The following FBXL7 variants were observed in gnomAD, a reference collection of about 807,000 sequenced individuals.
The protein encoded by FBXL7 is F-box/LRR-repeat protein 7.
Under a neutral mutation model 38.3 loss-of-function variants are expected in FBXL7, and 12 were observed. The ratio of observed to expected loss-of-function variants is 0.31; its 90% CI spans 0.20 to 0.51. FBXL7 has a LOEUF of 0.51. Ranked by LOEUF, FBXL7 falls within the 20% of genes least tolerant of loss-of-function variation. FBXL7 has a pLI of 0.98. For missense variants in FBXL7, 567 were observed against 676.4 expected (o/e 0.84, Z 1.79); for synonymous variants, 297 against 300.9 (o/e 0.99, Z 0.13).
intron 1 of FBXL7, among the ~76,000 whole-genome samples, chr5:15,615,664 T>G (rs1740421818): frequency 6.6e-6 from 1 of 152,190 alleles, no homozygotes; most frequent in Non-Finnish European, 1.5e-5. Context: ...AGGAGATGTG[T>G]TCCCCACATG....
chr5:15,713,598 G>T (rs1238601100), intron 2 of FBXL7, among the ~76,000 whole-genome samples: 1 of 152,170 alleles, frequency 6.6e-6, no homozygotes, highest in Non-Finnish European at 1.5e-5. Flanking sequence ...GGTCTTGTCT[G>T]CTATAAATTA....
chr5:15,813,719 C>G (rs1339507215), intron 2 of FBXL7, among the ~76,000 whole-genome samples: 2 of 151,988 alleles, frequency 1.3e-5, no homozygotes, highest in East Asian at 3.9e-4. Context: ...AGAACTTAAA[C>G]AAATTTACAA....
chr5:15,920,683 G>A (rs1741716697), intron 2 of FBXL7, among the ~76,000 whole-genome samples: 1 of 152,020 alleles, frequency 6.6e-6, no homozygotes, highest in Non-Finnish European at 1.5e-5. Context: ...ACCATGCCCA[G>A]CTAATTTTTG....
At chr5:15,886,896 A>ATTT (rs1740699922) in intron 2 of FBXL7, among the ~76,000 whole-genome samples, 1 of 152,168 alleles carries the variant, frequency 6.6e-6, no homozygotes, top group South Asian at 2.1e-4. Flanking sequence ...CCCCAAAATG[A>ATTT]TTTAAAGTGC....
intron 2 of FBXL7, among the ~76,000 whole-genome samples, chr5:15,751,739 G>A (rs17704443): frequency 0.23 from 35,115 of 152,038 alleles, 4,248 homozygotes; most frequent in East Asian, 0.44. Context: ...CTGAAACAAC[G>A]GCTCACCTTA....
At chr5:15,747,656 A>G (rs995577505) in intron 2 of FBXL7, among the ~76,000 whole-genome samples, 2 of 152,242 alleles carry the variant, frequency 1.3e-5, no homozygotes, top group African/African-American at 4.8e-5. Flanking sequence ...AAAGGAAAAA[A>G]TATCTATGCA....
intron 2 of FBXL7, among the ~76,000 whole-genome samples, chr5:15,684,714 A>T (rs528722802): frequency 1.3e-5 from 2 of 152,174 alleles, no homozygotes; most frequent in African/African-American, 2.4e-5. Context: ...AAAGTCAGAG[A>T]TAGGCTCATT....
chr5:15,728,137 A>G (rs1451323548), intron 2 of FBXL7, among the ~76,000 whole-genome samples: 1 of 152,040 alleles, frequency 6.6e-6, no homozygotes, highest in Non-Finnish European at 1.5e-5. Flanking sequence ...ATTTCTCCCT[A>G]TATTTCTCTA....
At chr5:15,839,059 A>T (rs1428825923) in intron 2 of FBXL7, among the ~76,000 whole-genome samples, 1 of 149,182 alleles carries the variant, frequency 6.7e-6, no homozygotes, top group Non-Finnish European at 1.5e-5. Flanking sequence ...CTGCTTCTTC[A>T]TACACTTTAC....
chr5:15,550,877 G>A (rs963503922), intron 1 of FBXL7, among the ~76,000 whole-genome samples: 1 of 152,156 alleles, frequency 6.6e-6, no homozygotes, highest in Non-Finnish European at 1.5e-5. Context: ...CTGCCCACTC[G>A]CCTTATTTCT....
intron 1 of FBXL7, among the ~76,000 whole-genome samples, chr5:15,507,914 G>C (rs1280179279): frequency 6.6e-6 from 1 of 152,004 alleles, no homozygotes; most frequent in Non-Finnish European, 1.5e-5. Flanking sequence ...GTGGTGATGG[G>C]TGCCTGTAAT....
In FBXL7 at chr5:15,891,721, C is replaced by T. The variant is rs58874582; in HGVS notation, c.128-36169C>T. Among the ~76,000 whole-genome samples the T allele has an allele frequency of 3.4e-3, 524 of 152,304 alleles. 5 individuals carry two copies. The highest frequency in any genetic ancestry group is 0.011 in the African/African-American group (464 of 41,562). ...GGTGACCTCTGAGCCCAGTTTAGAT[C>T]CCAGCAGGAACAGATGGCACATTCA... On this transcript the variant is annotated intron_variant, in intron 2 of 3. Coordinates refer to ENST00000504595, the MANE Select transcript of FBXL7 (RefSeq NM_012304.5).
intron 2 of FBXL7, among the ~76,000 whole-genome samples, chr5:15,712,196 G>T (rs562728165): frequency 2.4e-4 from 36 of 152,166 alleles, no homozygotes; most frequent in Non-Finnish European, 4.4e-4. Context: ...TCAACATTGT[G>T]ATAATGCACT....
chr5:15,515,818 G>A lies in FBXL7; in HGVS notation c.37+15105G>A, dbSNP rs537389834. On this transcript the variant is annotated intron_variant, in intron 1 of 3. Coordinates refer to ENST00000504595, the MANE Select transcript of FBXL7 (RefSeq NM_012304.5). ...ATGAAAAATGACTAAAAATTAATATGTACTCATGATTATACTAGTTTATTA... is the reference window on the plus strand; with the variant it reads ...ATGAAAAATGACTAAAAATTAATATATACTCATGATTATACTAGTTTATTA... Among the ~76,000 whole-genome samples, 4 of 152,186 alleles carry A rather than the reference G, an allele frequency of 2.6e-5. No homozygotes were observed. In the South Asian group the frequency reaches 8.3e-4, roughly 32 times the overall value.
intron 1 of FBXL7, among the ~76,000 whole-genome samples, chr5:15,538,036 A>G (rs964811559): frequency 6.6e-6 from 1 of 152,218 alleles, no homozygotes; most frequent in Non-Finnish European, 1.5e-5. Context: ...AGGTTTCATC[A>G]GTACCAGTCA....
intron 2 of FBXL7, among the ~76,000 whole-genome samples, chr5:15,921,324 T>C (rs2126446039): frequency 6.9e-6 from 1 of 145,388 alleles, no homozygotes; most frequent in Non-Finnish European, 1.5e-5. Context: ...GAGGTTGCAG[T>C]GAGCTGAGAT....
chr5:15,815,656 G>C (rs991803094), intron 2 of FBXL7, among the ~76,000 whole-genome samples: 6 of 152,006 alleles, frequency 3.9e-5, no homozygotes, highest in Admixed American at 1.3e-4. Flanking sequence ...TAAAATACAG[G>C]ATTTATACTC....
intron 2 of FBXL7, among the ~76,000 whole-genome samples, chr5:15,741,603 G>T (rs774376769): frequency 3.5e-4 from 53 of 152,084 alleles, no homozygotes; most frequent in Non-Finnish European, 6.0e-4. Flanking sequence ...TATAAAAAAA[G>T]AGTTAAAAAT....
chr5:15,892,792 G>A (rs931590702), intron 2 of FBXL7, among the ~76,000 whole-genome samples: 6 of 152,220 alleles, frequency 3.9e-5, no homozygotes, highest in African/African-American at 9.6e-5. Flanking sequence ...GCTGTGAGGT[G>A]GAAACTATTT....
Sources: gnomAD v4.1 joint callset for allele counts (sites outside exome capture counted in the v4.1 genomes callset) on GRCh38, gnomAD v4.1.1 for gene constraint, MANE v1.5 for transcripts, NCBI Gene and HGNC (gene_info 2026-07-23, HGNC 2026-07-21) for gene names.